Variants in ELP3 observed in about 807,000 individuals in gnomAD.
ELP3 encodes the protein elongator acetyltransferase complex subunit 3, also known as elongator complex protein 3.
Under a neutral mutation model 74.9 loss-of-function variants are expected in ELP3, and 56 were observed. That is an observed-to-expected ratio of 0.75 (90% CI 0.60 to 0.93). ELP3 has a LOEUF of 0.93. Among genes scored for constraint, ELP3 ranks in the 40% least tolerant of loss-of-function variants. The pLI is 0.00. For missense variants in ELP3, 573 were observed against 686.5 expected, an observed-to-expected ratio of 0.83 and a Z score of 1.85; for synonymous variants, 222 against 239.8, an observed-to-expected ratio of 0.93 and a Z score of 0.68.
At chr8:28,182,103 G>A (rs890284478) in intron 14 of ELP3, among the ~76,000 whole-genome samples, 11 of 152,222 alleles carry the variant, frequency 7.2e-5, no homozygotes, top group African/African-American at 2.2e-4. Context: ...CTTTACTCTG[G>A]TATTGCATTT....
intron 14 of ELP3, among the ~76,000 whole-genome samples, chr8:28,170,232 C>G (rs76392385): frequency 0.025 from 3,833 of 152,278 alleles, 181 homozygotes; most frequent in African/African-American, 0.087. Flanking sequence ...AGAAGGCAGC[C>G]ATCTTTGGAT....
In ELP3 at chr8:28,097,321, A is replaced by C. The variant is rs777543022; in HGVS notation, c.119+3A>C. 1.7e-5 allele frequency: 27 copies of C among 1,602,194 alleles called. No homozygotes were observed. Among genetic ancestry groups the C allele is most frequent in the Admixed American group, 1.7e-4 (10 of 59,816 alleles). The stretch of plus-strand genomic sequence containing the variant: ...GGGAAAGACATCGATCTAAATAAGT[A>C]AGTGGATATAAAGAGAGAGCAAGCT... On this transcript the variant is annotated splice_donor_region_variant and intron_variant, in intron 2 of 14. Coordinates refer to ENST00000256398, the MANE Select transcript of ELP3 (RefSeq NM_018091.6).
intron 9 of ELP3, among the ~76,000 whole-genome samples, chr8:28,132,800 A>G (rs1021077497): frequency 2.0e-5 from 3 of 152,216 alleles, no homozygotes; most frequent in African/African-American, 7.2e-5. Context: ...TTAATTTAAT[A>G]TGTCATACCT....
At chr8:28,130,736 T>A (rs1055622918) in intron 8 of ELP3, among the ~76,000 whole-genome samples, 19 of 151,988 alleles carry the variant, frequency 1.3e-4, no homozygotes, top group Non-Finnish European at 2.2e-4. Flanking sequence ...CATGGAAGAG[T>A]CTGAGTTGGT....
chr8:28,124,969 G>A (rs1166737804), intron 7 of ELP3, among the ~76,000 whole-genome samples: 2 of 152,110 alleles, frequency 1.3e-5, no homozygotes, highest in Non-Finnish European at 2.9e-5. Flanking sequence ...AAAAGATTGG[G>A]GGTAATAGTT....
chr8:28,173,892 C>T (rs1362862720), intron 14 of ELP3, among the ~76,000 whole-genome samples: 1 of 151,994 alleles, frequency 6.6e-6, no homozygotes, highest in East Asian at 1.9e-4. Context: ...TTAATTTCTG[C>T]ATACTTATGA....
intron 14 of ELP3, among the ~76,000 whole-genome samples, chr8:28,173,189 T>G (rs1199063206): frequency 1.3e-5 from 2 of 152,008 alleles, no homozygotes; most frequent in African/African-American, 4.8e-5. Context: ...TTTGCAAGTA[T>G]TTGAGAAGGA....
intron 14 of ELP3, among the ~76,000 whole-genome samples, chr8:28,176,976 A>G (rs1302981730): frequency 1.3e-5 from 2 of 152,188 alleles, no homozygotes; most frequent in Non-Finnish European, 2.9e-5. Flanking sequence ...CACCAGCATC[A>G]CCCAACTGTA....
At chr8:28,111,756 A>G (rs1030815897) in intron 6 of ELP3, among the ~76,000 whole-genome samples, 1 of 152,228 alleles carries the variant, frequency 6.6e-6, no homozygotes, top group Non-Finnish European at 1.5e-5. Context: ...AAGATTTAGA[A>G]ATGAACATAG....
chr8:28,161,625 A>G (rs2130553913), intron 13 of ELP3, among the ~76,000 whole-genome samples: 1 of 151,888 alleles, frequency 6.6e-6, no homozygotes, highest in East Asian at 1.9e-4. Context: ...AAAAAAAAAA[A>G]AAAAGTAGAG....
chr8:28,097,182 A>T (rs368407461), intron 1 of ELP3, 37 bp from the exon 2 acceptor site: 49 of 1,399,340 alleles, frequency 3.5e-5, no homozygotes, highest in Non-Finnish European at 4.7e-5. Flanking sequence ...TGATTGAATG[A>T]TACGATTTTT....
At chr8:28,186,136 C>A (rs1815230476) in intron 14 of ELP3, among the ~76,000 whole-genome samples, 2 of 151,928 alleles carry the variant, frequency 1.3e-5, no homozygotes, top group South Asian at 2.1e-4. Flanking sequence ...GAGTCAAATT[C>A]ATGGAGACAG....
intron 9 of ELP3, among the ~76,000 whole-genome samples, chr8:28,135,603 C>T (rs1812955377): frequency 6.6e-6 from 1 of 152,164 alleles, no homozygotes; most frequent in Non-Finnish European, 1.5e-5. Flanking sequence ...TTTCCAGTTT[C>T]TCCAGGGACT....
intron 10 of ELP3, among the ~76,000 whole-genome samples, chr8:28,151,129 T>C (rs1468052456): frequency 6.6e-6 from 1 of 152,258 alleles, no homozygotes; most frequent in East Asian, 1.9e-4. Context: ...GTTCTATTTC[T>C]TTCAGTCTTT....
chr8:28,149,947 C>CT (rs1167762550), intron 10 of ELP3, among the ~76,000 whole-genome samples: 1 of 151,990 alleles, frequency 6.6e-6, no homozygotes, highest in African/African-American at 2.4e-5. Flanking sequence ...AGTTATTCTT[C>CT]TTTTTTTACT....
At chr8:28,158,687 A>C in intron 12 of ELP3, 54 bp downstream of exon 12, 1 of 1,407,632 alleles carries the variant, frequency 7.1e-7, no homozygotes, top group Non-Finnish European at 1.0e-6. Flanking sequence ...ATCTTTGCCA[A>C]CCCTGGGCCC....
chr8:28,191,064 T>G lies in ELP3; in HGVS notation c.*1339T>G, dbSNP rs1189629792. The G allele has an allele frequency of 6.6e-6, 1 of 152,262 alleles. No individual in the cohort carries two copies. The highest frequency in any genetic ancestry group is 1.5e-5 in the Non-Finnish European group (1 of 68,056). 9.4% of individuals were successfully genotyped at this position (152,262 alleles called of 1,614,324 possible). A position where few individuals can be genotyped will look rare whatever the true frequency, so the allele number is the denominator to read the frequency against. Reference sequence around the variant, plus strand: ...TCAGTTCCTAAGTTAAAAGCATCGCTTAACCTTGGCTCCTGTGGCATTTTA... The same window carrying G: ...TCAGTTCCTAAGTTAAAAGCATCGCGTAACCTTGGCTCCTGTGGCATTTTA... On this transcript the variant is annotated 3_prime_UTR_variant, in exon 15 of 15. Transcript: ENST00000256398.
intron 10 of ELP3, among the ~76,000 whole-genome samples, chr8:28,139,399 A>C (rs957653046): frequency 6.6e-6 from 1 of 152,206 alleles, no homozygotes; most frequent in African/African-American, 2.4e-5. Flanking sequence ...GTGTGAACTC[A>C]TGGTTTCCAA....
chr8:28,173,259 CT>C (rs903116921), intron 14 of ELP3, among the ~76,000 whole-genome samples: 3 of 151,930 alleles, frequency 2.0e-5, no homozygotes, highest in Admixed American at 6.5e-5. Context: ...TGATTTTGGG[CT>C]TTTTCTTATT....
Sources: allele counts gnomAD v4.1 joint callset (sites outside exome capture counted in the v4.1 genomes callset), GRCh38; gene constraint gnomAD v4.1.1; transcripts MANE v1.5; gene names NCBI Gene and HGNC (gene_info 2026-07-23, HGNC 2026-07-21).